USP34: variants seen among roughly 807,000 people sequenced by gnomAD.
USP34 encodes the protein ubiquitin carboxyl-terminal hydrolase 34.
USP34 carries 70 observed loss-of-function variants against 460.3 expected under a neutral mutation model. The observed-to-expected ratio is 0.15, with a 90% CI of 0.13 to 0.19. USP34 has a LOEUF of 0.19. Ranked by LOEUF, USP34 falls within the 10% of genes least tolerant of loss-of-function variation. The pLI is 1.00. For synonymous variants in USP34, 1,647 were observed against 1,405.3 expected (o/e 1.17, Z -3.85); for missense variants, 3,985 against 4,236.2 (o/e 0.94, Z 1.65).
At chr2:61,385,095 T>G (rs1416224766) in intron 5 of USP34, among the ~76,000 whole-genome samples, 1 of 152,164 alleles carries the variant, frequency 6.6e-6, no homozygotes, top group Non-Finnish European at 1.5e-5. Context: ...TTCTTATTAT[T>G]TGTTCCTGAG....
chr2:61,217,830 C>A (rs1193240394), intron 67 of USP34, among the ~76,000 whole-genome samples: 1 of 152,112 alleles, frequency 6.6e-6, no homozygotes, highest in East Asian at 1.9e-4. Context: ...TGGTGGGTGC[C>A]TGTAATCCCA....
At chr2:61,226,355 C>T (rs1360133742) in intron 62 of USP34, among the ~76,000 whole-genome samples, 1 of 152,178 alleles carries the variant, frequency 6.6e-6, no homozygotes, top group Non-Finnish European at 1.5e-5. Flanking sequence ...CCCCGAGTGC[C>T]ACTTTTGGCA....
intron 1 of USP34, among the ~76,000 whole-genome samples, chr2:61,458,228 T>C (rs889804466): frequency 1.3e-5 from 2 of 152,032 alleles, no homozygotes; most frequent in Non-Finnish European, 2.9e-5. Flanking sequence ...GAAAGACTTC[T>C]CGAAAAAAAT....
intron 55 of USP34, 43 bp from the exon 56 acceptor site, chr2:61,236,116 G>A: frequency 6.3e-7 from 1 of 1,594,004 alleles, no homozygotes; most frequent in African/African-American, 1.4e-5. Context: ...TCATTTTAAA[G>A]TAGTAAATTT....
chr2:61,335,236 C>T (rs1190465327), intron 18 of USP34, among the ~76,000 whole-genome samples: 4 of 152,136 alleles, frequency 2.6e-5, no homozygotes, highest in Admixed American at 1.3e-4. Flanking sequence ...TGTAGAATTT[C>T]TCCTATAATG....
intron 8 of USP34, among the ~76,000 whole-genome samples, chr2:61,373,587 AG>A (rs1302393144): frequency 9.9e-5 from 15 of 152,246 alleles, no homozygotes; most frequent in Non-Finnish European, 1.5e-5. Flanking sequence ...TCAAGTTACC[AG>A]GAATACATAT....
At chr2:61,240,660 G>A (rs1262666840) in intron 53 of USP34, among the ~76,000 whole-genome samples, 11 of 147,414 alleles carry the variant, frequency 7.5e-5, no homozygotes, top group Admixed American at 3.4e-4. Flanking sequence ...TATAACCTCC[G>A]CCTCTCAGGT....
chr2:61,401,376 T>C (rs930347075), intron 3 of USP34, among the ~76,000 whole-genome samples: 10 of 151,696 alleles, frequency 6.6e-5, no homozygotes, highest in Admixed American at 6.6e-4. Flanking sequence ...TAGCTGGGAC[T>C]ACAGGCGTGC....
At chr2:61,384,695 A>G (rs2103873660) in intron 5 of USP34, among the ~76,000 whole-genome samples, 1 of 152,254 alleles carries the variant, frequency 6.6e-6, no homozygotes, top group East Asian at 1.9e-4. Context: ...ATTAAAAAAT[A>G]AAATACATGA....
intron 7 of USP34, among the ~76,000 whole-genome samples, chr2:61,379,693 C>T (rs554584884): frequency 6.6e-6 from 1 of 152,314 alleles, no homozygotes; most frequent in East Asian, 1.9e-4. Context: ...CTTCTTCCAA[C>T]CCCCTCACCA....
At chr2:61,248,754 G>A in intron 48 of USP34, 71 bp from the exon 49 acceptor site, 29 of 1,367,038 alleles carry the variant, frequency 2.1e-5, no homozygotes, top group Non-Finnish European at 2.9e-5. Context: ...TTTCTGTTAT[G>A]CTATATCCAT....
intron 76 of USP34, 117 bp downstream of exon 76, chr2:61,192,784 T>C (rs1248303701): frequency 1.6e-5 from 11 of 703,040 alleles, no homozygotes; most frequent in Middle Eastern, 2.4e-4. Flanking sequence ...ATGTTACCTA[T>C]CAAGATTCTA....
intron 44 of USP34, among the ~76,000 whole-genome samples, chr2:61,257,823 C>T (rs1372814303): frequency 1.3e-5 from 2 of 152,054 alleles, no homozygotes; most frequent in Non-Finnish European, 2.9e-5. Context: ...TGCAGTGAGC[C>T]GAGATCGTGC....
At chr2:61,379,816 G>A (rs1268756138) in intron 7 of USP34, among the ~76,000 whole-genome samples, 2 of 152,196 alleles carry the variant, frequency 1.3e-5, no homozygotes, top group Admixed American at 6.5e-5. Flanking sequence ...AATAATCTAT[G>A]GTTTCTGCCT....
intron 1 of USP34, among the ~76,000 whole-genome samples, chr2:61,448,657 C>A (rs1573053204): frequency 6.6e-6 from 1 of 152,096 alleles, no homozygotes; most frequent in African/African-American, 2.4e-5. Context: ...AGATGACATA[C>A]ATAAAAAAGT....
intron 57 of USP34, 82 bp from the exon 58 acceptor site, chr2:61,232,614 T>G (rs1490899192): frequency 8.9e-7 from 1 of 1,125,632 alleles, no homozygotes; most frequent in African/African-American, 1.6e-5. Flanking sequence ...GAATTTTATT[T>G]CTAGTCAATG....
chr2:61,394,606 T>C (rs184692625), intron 5 of USP34, among the ~76,000 whole-genome samples: 2 of 151,948 alleles, frequency 1.3e-5, no homozygotes, highest in East Asian at 3.9e-4. Context: ...GTCACCTATC[T>C]TAGATAAAAT....
At chr2:61,211,549 T>C (rs1277555874) in intron 69 of USP34, among the ~76,000 whole-genome samples, 4 of 152,172 alleles carry the variant, frequency 2.6e-5, no homozygotes, top group Non-Finnish European at 2.9e-5. Flanking sequence ...TAGAAGGCTA[T>C]ACATAAAGGT....
At chr2:61,334,978 G>A (rs1182153454) in intron 18 of USP34, among the ~76,000 whole-genome samples, 1 of 151,976 alleles carries the variant, frequency 6.6e-6, no homozygotes, top group African/African-American at 2.4e-5. Context: ...AAATTCCAAA[G>A]AACAAAGACA....
Sources: gnomAD v4.1 joint callset for allele counts (sites outside exome capture counted in the v4.1 genomes callset) on GRCh38, gnomAD v4.1.1 for gene constraint, MANE v1.5 for transcripts, NCBI Gene and HGNC (gene_info 2026-07-23, HGNC 2026-07-21) for gene names.